Variants in CNTNAP2 observed in about 807,000 individuals in gnomAD.
The protein encoded by CNTNAP2 is contactin-associated protein-like 2.
Under a neutral mutation model 155.2 loss-of-function variants are expected in CNTNAP2, and 98 were observed. The ratio of observed to expected loss-of-function variants is 0.63; its 90% CI spans 0.54 to 0.75. CNTNAP2 has a LOEUF of 0.75. Among genes scored for constraint, CNTNAP2 ranks in the 30% least tolerant of loss-of-function variants. CNTNAP2 has a pLI of 0.00. For synonymous variants in CNTNAP2, 651 were observed against 631.2 expected, an observed-to-expected ratio of 1.03 and a Z score of -0.47; for missense variants, 1,727 against 1,688.1, an observed-to-expected ratio of 1.02 and a Z score of -0.40.
chr7:146,387,211 TTTTGGGC>T (rs1262923234), intron 1 of CNTNAP2, among the ~76,000 whole-genome samples: 2 of 152,220 alleles, frequency 1.3e-5, no homozygotes, highest in Non-Finnish European at 2.9e-5. Context: ...GGTCTGGGGC[TTTTGGGC>T]TTTAACTTTT....
intron 1 of CNTNAP2, among the ~76,000 whole-genome samples, chr7:146,712,680 T>C (rs1480683135): frequency 6.6e-6 from 1 of 151,864 alleles, no homozygotes; most frequent in Non-Finnish European, 1.5e-5. Context: ...TTTTTTAGTT[T>C]AAGATAAAAT....
chr7:146,435,684 C>T (rs182231645), intron 1 of CNTNAP2, among the ~76,000 whole-genome samples: 114 of 152,240 alleles, frequency 7.5e-4, no homozygotes, highest in African/African-American at 2.4e-3. Context: ...TTGATAAAAA[C>T]GTGTGTATGT....
intron 1 of CNTNAP2, among the ~76,000 whole-genome samples, chr7:146,579,240 T>C (rs1008873588): frequency 6.6e-6 from 1 of 152,104 alleles, no homozygotes. Context: ...TCTAAACAAG[T>C]ATTTTTTTAA....
intron 1 of CNTNAP2, among the ~76,000 whole-genome samples, chr7:146,515,572 G>A (rs577260202): frequency 6.6e-6 from 1 of 152,150 alleles, no homozygotes; most frequent in South Asian, 2.1e-4. Flanking sequence ...CATCATTTTG[G>A]TGATATCACC....
At chr7:146,851,554 C>G (rs1490294877) in intron 3 of CNTNAP2, among the ~76,000 whole-genome samples, 2 of 152,044 alleles carry the variant, frequency 1.3e-5, no homozygotes, top group Non-Finnish European at 2.9e-5. Context: ...GTTGACTCCT[C>G]CTCTGAGGGA....
chr7:146,838,129 C>T (rs577463165), intron 2 of CNTNAP2, among the ~76,000 whole-genome samples: 80 of 152,160 alleles, frequency 5.3e-4, no homozygotes, highest in South Asian at 4.6e-3. Flanking sequence ...AATATGTTTC[C>T]GTTTCAATGA....
intron 1 of CNTNAP2, among the ~76,000 whole-genome samples, chr7:146,673,594 C>T (rs557259732): frequency 6.6e-6 from 1 of 152,328 alleles, no homozygotes; most frequent in South Asian, 2.1e-4. Flanking sequence ...CAATCACACA[C>T]AGGGTCCACC....
At chr7:147,128,306 C>CT (rs1385707543) in intron 6 of CNTNAP2, among the ~76,000 whole-genome samples, 1 of 152,080 alleles carries the variant, frequency 6.6e-6, no homozygotes, top group African/African-American at 2.4e-5. Flanking sequence ...TTATCTCATG[C>CT]TTACTGGAGG....
intron 14 of CNTNAP2, among the ~76,000 whole-genome samples, chr7:147,920,027 G>A (rs1205581705): frequency 6.6e-6 from 1 of 151,998 alleles, no homozygotes; most frequent in African/African-American, 2.4e-5. Context: ...GGTATAGAGT[G>A]AAAGTTCACT....
intron 2 of CNTNAP2, among the ~76,000 whole-genome samples, chr7:146,816,186 A>T (rs1803166523): frequency 6.6e-6 from 1 of 152,148 alleles, no homozygotes; most frequent in Non-Finnish European, 1.5e-5. Flanking sequence ...GTTGGTTCCA[A>T]GTACTTTTTA....
intron 3 of CNTNAP2, among the ~76,000 whole-genome samples, chr7:146,896,483 A>AT (rs1283957300): frequency 6.6e-6 from 1 of 151,966 alleles, no homozygotes; most frequent in Non-Finnish European, 1.5e-5. Context: ...TATAATAACT[A>AT]TTTTTTAAAT....
chr7:147,871,704 T>C (rs1799330516), intron 13 of CNTNAP2, among the ~76,000 whole-genome samples: 1 of 151,906 alleles, frequency 6.6e-6, no homozygotes, highest in South Asian at 2.1e-4. Flanking sequence ...ATCTTCATTC[T>C]TGAGTTCATT....
At chr7:148,320,136 G>A (rs536764280) in intron 21 of CNTNAP2, among the ~76,000 whole-genome samples, 15 of 152,194 alleles carry the variant, frequency 9.9e-5, no homozygotes, top group Admixed American at 4.6e-4. Context: ...GGCTGCATTC[G>A]AGTTGCTGAT....
At chr7:146,469,182 C>T (rs1420899388) in intron 1 of CNTNAP2, among the ~76,000 whole-genome samples, 1 of 152,164 alleles carries the variant, frequency 6.6e-6, no homozygotes, top group Non-Finnish European at 1.5e-5. Flanking sequence ...CTGTCGCCCC[C>T]TTTGGGGTTC....
rs902237174 is a variant in CNTNAP2 at position 146,882,873 on chromosome 7, A to G, written c.402+42969A>G. Among the ~76,000 whole-genome samples, 2 of 152,242 alleles carry G rather than the reference A, an allele frequency of 1.3e-5. 1 individual carries two copies. Among genetic ancestry groups the G allele is most frequent in the Admixed American group, 1.3e-4 (2 of 15,268 alleles). ...GGAATACAACTAAGCAAAGAGCTGAAGAATCTCCACAAGGAGAACCATAAA... is the reference window on the plus strand; with the variant it reads ...GGAATACAACTAAGCAAAGAGCTGAGGAATCTCCACAAGGAGAACCATAAA... On this transcript the variant is annotated intron_variant, in intron 3 of 23. Coordinates refer to ENST00000361727, the MANE Select transcript of CNTNAP2 (RefSeq NM_014141.6).
At position 146,405,383 on chromosome 7, in the gene CNTNAP2, A is replaced by T. The variant is rs77114486; in HGVS notation, c.97+288410A>T. Among the ~76,000 whole-genome samples, 70 of 152,348 alleles carry T rather than the reference A, an allele frequency of 4.6e-4. No homozygotes were observed. In the East Asian group the frequency reaches 0.012, roughly 26 times the overall value. On this transcript the variant is annotated intron_variant, in intron 1 of 23. Coordinates refer to ENST00000361727, the MANE Select transcript of CNTNAP2 (RefSeq NM_014141.6). ...TTGCCTGCTTTGCTCAGCAACGTTG[A>T]TACCTAACAAAAGTTTGTTAAATGA...
intron 3 of CNTNAP2, among the ~76,000 whole-genome samples, chr7:146,961,152 A>G (rs566363688): frequency 6.6e-6 from 1 of 152,322 alleles, no homozygotes; most frequent in South Asian, 2.1e-4. Flanking sequence ...TCCACTTGAC[A>G]TAAAGTGACC....
intron 22 of CNTNAP2, among the ~76,000 whole-genome samples, chr7:148,385,159 T>C (rs374677112): frequency 7.7e-4 from 118 of 152,286 alleles, no homozygotes; most frequent in African/African-American, 2.7e-3. Context: ...CTGCAAAGCT[T>C]TGTGAAGCTT....
At chr7:146,951,635 T>C (rs1797315174) in intron 3 of CNTNAP2, among the ~76,000 whole-genome samples, 2 of 152,144 alleles carry the variant, frequency 1.3e-5, no homozygotes. Context: ...GAGGCATCTG[T>C]TTGTTCCATT....
Sources: allele counts gnomAD v4.1 joint callset (sites outside exome capture counted in the v4.1 genomes callset), GRCh38; gene constraint gnomAD v4.1.1; transcripts MANE v1.5; gene names NCBI Gene and HGNC (gene_info 2026-07-23, HGNC 2026-07-21).